The following PRDM5 variants were observed in gnomAD, a reference collection of about 807,000 sequenced individuals.
The protein encoded by PRDM5 is PR/SET domain 5.
PRDM5 carries 56 observed loss-of-function variants against 81.2 expected under a neutral mutation model. The ratio of observed to expected loss-of-function variants is 0.69; its 90% CI spans 0.56 to 0.86. The LOEUF is 0.86. Among genes scored for constraint, PRDM5 ranks in the 40% least tolerant of loss-of-function variants. PRDM5 has a pLI of 0.00. For synonymous variants in PRDM5, 267 were observed against 256.4 expected (o/e 1.04, Z -0.39); for missense variants, 697 against 770.1 (o/e 0.91, Z 1.12).
intron 8 of PRDM5, among the ~76,000 whole-genome samples, chr4:120,808,143 T>C (rs1157475880): frequency 2.0e-5 from 3 of 152,186 alleles, no homozygotes; most frequent in Admixed American, 2.0e-4. Context: ...GAAGGGGACC[T>C]GAGCGGGTTG....
chr4:120,900,434 T>C (rs2148658334), intron 2 of PRDM5, among the ~76,000 whole-genome samples: 1 of 152,282 alleles, frequency 6.6e-6, no homozygotes, highest in South Asian at 2.1e-4. Flanking sequence ...GGACCAAATA[T>C]AGATTTCATA....
intron 13 of PRDM5, among the ~76,000 whole-genome samples, chr4:120,769,395 G>A (rs62325578): frequency 0.14 from 21,996 of 152,146 alleles, 2,214 homozygotes; most frequent in Non-Finnish European, 0.22. Flanking sequence ...GTAGGGGACA[G>A]GTCAGGGAAC....
At chr4:120,710,709 T>C (rs1039267549) in intron 14 of PRDM5, among the ~76,000 whole-genome samples, 12 of 152,078 alleles carry the variant, frequency 7.9e-5, no homozygotes, top group African/African-American at 2.9e-4. Flanking sequence ...ATAAGGGGCT[T>C]TTCCCACTTT....
At chr4:120,821,482 T>A in intron 3 of PRDM5, 137 bp from the exon 4 acceptor site, 2 of 828,060 alleles carry the variant, frequency 2.4e-6, no homozygotes. Flanking sequence ...TTGATCTGGG[T>A]GCTGAAAAAG....
At chr4:120,705,108 T>A (rs1362543782) in intron 15 of PRDM5, among the ~76,000 whole-genome samples, 2 of 152,172 alleles carry the variant, frequency 1.3e-5, no homozygotes, top group African/African-American at 4.8e-5. Context: ...CAAGAGAGTA[T>A]GAAACTGGAG....
chr4:120,740,047 T>C lies in PRDM5; in HGVS notation c.1623+14506A>G, dbSNP rs569362897. Among the ~76,000 whole-genome samples the C allele has an allele frequency of 1.4e-4, 22 of 152,296 alleles. No individual in the cohort carries two copies. The South Asian group carries it at 3.9e-3, about 27-fold the overall frequency. ...AAGAAAATGCCTTATTGTGATAGAATAAGAATGCTCAATTTCATGCAGGTA... is the reference window on the plus strand; with the variant it reads ...AAGAAAATGCCTTATTGTGATAGAACAAGAATGCTCAATTTCATGCAGGTA... On this transcript the variant is annotated intron_variant, in intron 14 of 15. Coordinates refer to ENST00000264808, the MANE Select transcript of PRDM5 (RefSeq NM_018699.4).
intron 14 of PRDM5, among the ~76,000 whole-genome samples, chr4:120,716,178 C>A (rs1737719327): frequency 6.6e-6 from 1 of 152,156 alleles, no homozygotes; most frequent in Non-Finnish European, 1.5e-5. Context: ...TTTATACATG[C>A]TATTGCTGAT....
intron 3 of PRDM5, among the ~76,000 whole-genome samples, chr4:120,825,847 CAATT>C (rs201324446): frequency 0.011 from 1,617 of 152,196 alleles, 26 homozygotes; most frequent in Middle Eastern, 0.082. Context: ...AGATACCAAT[CAATT>C]GTCTGAACCA....
intron 10 of PRDM5, among the ~76,000 whole-genome samples, chr4:120,793,695 T>C (rs28362092): frequency 0.063 from 9,545 of 152,272 alleles, 531 homozygotes; most frequent in African/African-American, 0.15. Context: ...TTTAGTGAAA[T>C]GGCTAAATCA....
chr4:120,735,595 G>A (rs1263620927), intron 14 of PRDM5, among the ~76,000 whole-genome samples: 3 of 152,128 alleles, frequency 2.0e-5, no homozygotes, highest in Non-Finnish European at 4.4e-5. Context: ...AGGCTGGATG[G>A]GAGATACAGT....
At chr4:120,907,714 T>G (rs1765995566) in intron 1 of PRDM5, among the ~76,000 whole-genome samples, 157 bp from the exon 2 acceptor site, 1 of 152,252 alleles carries the variant, frequency 6.6e-6, no homozygotes, top group Admixed American at 6.5e-5. Context: ...ACAAAATGTT[T>G]ATTTACAATC....
chr4:120,874,301 A>C (rs1000697643), intron 2 of PRDM5, among the ~76,000 whole-genome samples: 3 of 152,246 alleles, frequency 2.0e-5, no homozygotes, highest in Non-Finnish European at 2.9e-5. Context: ...GTAGAAGATG[A>C]ATATGTAAAG....
At chr4:120,820,986 C>G (rs1420055724) in intron 4 of PRDM5, among the ~76,000 whole-genome samples, 185 bp downstream of exon 4, 3 of 152,212 alleles carry the variant, frequency 2.0e-5, no homozygotes, top group African/African-American at 7.2e-5. Context: ...CACCCACTCC[C>G]AAAATACTTT....
intron 13 of PRDM5, among the ~76,000 whole-genome samples, chr4:120,763,144 C>A (rs1745876305): frequency 6.6e-6 from 1 of 152,054 alleles, no homozygotes; most frequent in Admixed American, 6.5e-5. Flanking sequence ...TGAAGAGATG[C>A]CAACTCAAAG....
chr4:120,793,683 T>G (rs567864751), intron 10 of PRDM5, among the ~76,000 whole-genome samples: 11 of 152,250 alleles, frequency 7.2e-5, no homozygotes, highest in Non-Finnish European at 1.2e-4. Flanking sequence ...GTGTATGACA[T>G]GTTTAGTGAA....
rs1734083786 is a variant in PRDM5 at position 120,692,045 on chromosome 4, T to C, written c.*3066A>G. On this transcript the variant is annotated 3_prime_UTR_variant, in exon 16 of 16. Transcript: ENST00000264808. ...CAATATCAATGGTAAAATTTTAGGA[T>C]TTTAAAGAGGCACATTTCCTCCTAC... 6.6e-6 allele frequency: 1 copy of C among 152,064 alleles called. No individual in the cohort carries two copies. The highest frequency in any genetic ancestry group is 1.5e-5 in the Non-Finnish European group (1 of 67,982). The allele number at this position is 152,064 out of a possible 1,614,324, so 9.4% of individuals were successfully genotyped here. A position where few individuals can be genotyped will look rare whatever the true frequency, so the allele number is the denominator to read the frequency against.
intron 15 of PRDM5, among the ~76,000 whole-genome samples, chr4:120,708,813 T>G (rs536208997): frequency 6.6e-6 from 1 of 151,886 alleles, no homozygotes; most frequent in African/African-American, 2.4e-5. Flanking sequence ...GGAGAGAGAT[T>G]GGAGTGGGGT....
At position 120,695,268 on chromosome 4, in the gene PRDM5, T is replaced by C; in HGVS notation, c.1736A>G (p.Asp579Gly). 6.2e-7 allele frequency: 1 copy of C among 1,613,248 alleles called. No homozygotes were observed. Among genetic ancestry groups the C allele is most frequent in the Non-Finnish European group, 8.5e-7 (1 of 1,179,512 alleles). Residue 579 changes from aspartate to glycine, a missense_variant, in exon 16 of 16, where the codon GAT becomes GGT. This residue lies in a region of PRDM5 where 86 missense variants were observed against 135.2 expected (regional missense o/e 0.64). Transcript: ENST00000264808. ...CATTTTCTTCAGGCTAAAAGCCAAA[T>C]CACAAACCTAGAAAAGACCCAAAGA... is the stretch of plus-strand genomic sequence containing the variant. ...GEKPFQCDVC[D>G]LAFSLKKMLI...
intron 11 of PRDM5, among the ~76,000 whole-genome samples, chr4:120,783,706 T>C (rs746984560): frequency 2.6e-5 from 4 of 152,160 alleles, no homozygotes; most frequent in Non-Finnish European, 4.4e-5. Context: ...AAACACATAA[T>C]TCTTTTTAAT....
Sources: allele counts gnomAD v4.1 joint callset (sites outside exome capture counted in the v4.1 genomes callset), GRCh38; gene constraint gnomAD v4.1.1; regional missense constraint gnomAD v4.1.1; transcripts MANE v1.5; gene names NCBI Gene and HGNC (gene_info 2026-07-23, HGNC 2026-07-21).